DNAH3: variants seen among roughly 807,000 people sequenced by gnomAD.
DNAH3 encodes dynein axonemal heavy chain 3.
Under a neutral mutation model 432.5 loss-of-function variants are expected in DNAH3, and 332 were observed. The ratio of observed to expected loss-of-function variants is 0.77; its 90% CI spans 0.70 to 0.84. The LOEUF is 0.84. DNAH3 is among the 40% of genes least tolerant of loss of function. The probability of loss-of-function intolerance (pLI) is 0.00; values close to 1 mark genes in which losing one functional copy is unlikely to be tolerated. For synonymous variants in DNAH3, 1,956 were observed against 1,900.2 expected (o/e 1.03, Z -0.76); for missense variants, 4,861 against 5,114.0 (o/e 0.95, Z 1.51).
intron 1 of DNAH3, among the ~76,000 whole-genome samples, chr16:21,158,182 A>T (rs771546657): frequency 6.6e-6 from 1 of 152,192 alleles, no homozygotes; most frequent in Non-Finnish European, 1.5e-5. Flanking sequence ...ATGGACATCC[A>T]ATCCATCTGA....
chr16:20,969,962 G>A (rs2085260040), exon 52 of DNAH3: 5 of 1,614,080 alleles, frequency 3.1e-6, no homozygotes, highest in Middle Eastern at 1.7e-4. Context: ...TGCAGGCATT[G>A]CCTCAGCTAG....
At chr16:21,055,643 C>T (rs547691821) in intron 27 of DNAH3, among the ~76,000 whole-genome samples, 21 of 152,054 alleles carry the variant, frequency 1.4e-4, no homozygotes, top group African/African-American at 5.1e-4. Context: ...AGTAAGACCA[C>T]CCTAGGTTAA....
At chr16:20,959,608 TAAACACAC>T (rs752338245) in intron 53 of DNAH3, among the ~76,000 whole-genome samples, 43 of 109,552 alleles carry the variant, frequency 3.9e-4, no homozygotes, top group Admixed American at 1.3e-3. Context: ...TGTCTCTATT[TAAACACAC>T]ACACACACAC....
At chr16:20,945,535 G>A (rs1016272124) in intron 57 of DNAH3, among the ~76,000 whole-genome samples, 3 of 151,054 alleles carry the variant, frequency 2.0e-5, no homozygotes. Context: ...CTGTCTGCCA[G>A]GCTGGAGTGC....
At chr16:20,957,732 G>T (rs182095759) in intron 54 of DNAH3, among the ~76,000 whole-genome samples, 1 of 146,004 alleles carries the variant, frequency 6.8e-6, no homozygotes, top group Non-Finnish European at 1.5e-5. Flanking sequence ...GCTTGAACCC[G>T]GGAGGCAGAG....
chr16:21,016,073 G>A (rs935299132), intron 41 of DNAH3, among the ~76,000 whole-genome samples: 10 of 152,098 alleles, frequency 6.6e-5, no homozygotes, highest in Admixed American at 2.6e-4. Flanking sequence ...ACAGGTGTGA[G>A]CCACTGTGCC....
intron 51 of DNAH3, among the ~76,000 whole-genome samples, chr16:20,972,739 A>ATTTTTTTTTTTTTTTTTTTTT (rs34245316): frequency 2.1e-5 from 2 of 95,974 alleles, no homozygotes; most frequent in Non-Finnish European, 3.8e-5. Flanking sequence ...ATGCCCCGTG[A>ATTTTTTTTTTTTTTTTTTTTT]TTTTTTTTTT....
At chr16:21,065,733 T>A (rs1040403470) in intron 24 of DNAH3, among the ~76,000 whole-genome samples, 1 of 152,234 alleles carries the variant, frequency 6.6e-6, no homozygotes, top group African/African-American at 2.4e-5. Flanking sequence ...GGCTACTATA[T>A]TGGACAGTAC....
At chr16:21,137,269 A>AG (rs2092656456) in intron 5 of DNAH3, among the ~76,000 whole-genome samples, 1 of 151,696 alleles carries the variant, frequency 6.6e-6, no homozygotes, top group Non-Finnish European at 1.5e-5. Flanking sequence ...TCTAAAAAAA[A>AG]AAAAAAAAAA....
At chr16:21,010,708 TGG>T (rs1199320910) in intron 41 of DNAH3, among the ~76,000 whole-genome samples, 1 of 152,038 alleles carries the variant, frequency 6.6e-6, no homozygotes, top group Non-Finnish European at 1.5e-5. Context: ...ATTTTCATCA[TGG>T]GCCCTCATGG....
rs151167174 is a variant in DNAH3 at position 21,144,929 on chromosome 16, C to T, written c.448+252G>A. ...GGTCAGGAGTTTGAGACCAGCCTGG[C>T]CAACATAGTGAAACCCCATCTCTAC... On this transcript the variant is annotated intron_variant, in intron 3 of 61. Coordinates refer to ENST00000261383, the Ensembl canonical transcript of DNAH3. Among the ~76,000 whole-genome samples, 138 of 151,910 alleles carry T rather than the reference C, an allele frequency of 9.1e-4. 1 individual carries two copies. The highest frequency in any genetic ancestry group is 3.8e-3 in the South Asian group (18 of 4,798).
chr16:21,130,151 T>G (rs1428195443), intron 7 of DNAH3: 1 of 150,036 alleles, frequency 6.7e-6, no homozygotes, highest in Non-Finnish European at 1.5e-5. Flanking sequence ...CAGAAGAGCC[T>G]TTGGACCTAA....
chr16:20,981,773 C>T (rs1334974372), intron 49 of DNAH3, among the ~76,000 whole-genome samples: 1 of 151,708 alleles, frequency 6.6e-6, no homozygotes, highest in Non-Finnish European at 1.5e-5. Flanking sequence ...AATGATTGAA[C>T]CTACTGTGTG....
chr16:21,047,510 T>A (rs1208787500), intron 31 of DNAH3, among the ~76,000 whole-genome samples: 2 of 152,166 alleles, frequency 1.3e-5, no homozygotes, highest in Non-Finnish European at 2.9e-5. Context: ...TTCTCTAGCC[T>A]TGGTTTTCAG....
intron 14 of DNAH3, among the ~76,000 whole-genome samples, chr16:21,108,466 G>C (rs1044415558): frequency 1.3e-5 from 2 of 152,196 alleles, no homozygotes; most frequent in Non-Finnish European, 2.9e-5. Context: ...CAAGTAGGCC[G>C]GGTGTGGTGG....
In DNAH3 at chr16:20,933,435, C is replaced by CT. The variant is rs760454419; in HGVS notation, c.12069dup (p.Gly4024ArgfsTer21). ...ATCGTTTTCCTGTCCCAACGGGCAC[C>CT]TTCTAAGAAGAGCCCTTTGATGTAG... On this transcript the variant is annotated frameshift_variant, in exon 62 of 62. Coordinates refer to ENST00000261383, the Ensembl canonical transcript of DNAH3. LOFTEE classifies it high-confidence loss of function. The CT allele has an allele frequency of 5.0e-5, 80 of 1,613,902 alleles. No individual in the cohort carries two copies. The highest frequency in any genetic ancestry group is 6.8e-5 in the Non-Finnish European group (80 of 1,180,008).
chr16:20,977,579 ACAAGCAC>A (rs1028589144), intron 50 of DNAH3, among the ~76,000 whole-genome samples: 1 of 152,118 alleles, frequency 6.6e-6, no homozygotes, highest in Admixed American at 6.5e-5. Flanking sequence ...GTGTGAGACC[ACAAGCAC>A]AGCAGGCTGG....
chr16:21,047,859 G>A (rs1245425010), intron 31 of DNAH3, among the ~76,000 whole-genome samples: 3 of 150,316 alleles, frequency 2.0e-5, no homozygotes, highest in East Asian at 1.9e-4. Flanking sequence ...TTTTTGGTGT[G>A]GATGTCCTTT....
chr16:20,963,786 A>C, exon 53 of DNAH3: 1 of 1,613,970 alleles, frequency 6.2e-7, no homozygotes, highest in South Asian at 1.1e-5. Flanking sequence ...TGTCCTTCTC[A>C]AACAGAGAAC....
Sources: allele counts gnomAD v4.1 joint callset (sites outside exome capture counted in the v4.1 genomes callset), GRCh38; gene constraint gnomAD v4.1.1; transcripts MANE v1.5; gene names NCBI Gene and HGNC (gene_info 2026-07-23, HGNC 2026-07-21).